Variants in NR1H4 observed in about 807,000 individuals in gnomAD.
NR1H4 encodes the protein nuclear receptor subfamily 1 group H member 4.
Under a neutral mutation model 58.5 loss-of-function variants are expected in NR1H4, and 23 were observed. The observed-to-expected ratio is 0.39, with a 90% confidence interval of 0.28 to 0.56. The LOEUF (loss-of-function observed/expected upper bound fraction) is 0.56. Ranked by LOEUF, NR1H4 falls within the 20% of genes least tolerant of loss-of-function variation. The pLI, the probability that NR1H4 is intolerant of heterozygous loss-of-function variation, is 0.58. For synonymous variants in NR1H4, 214 were observed against 198.0 expected (o/e 1.08, Z -0.68); for missense variants, 487 against 576.9 (o/e 0.84, Z 1.60).
intron 4 of NR1H4, among the ~76,000 whole-genome samples, chr12:100,514,481 T>C (rs1394097878): frequency 1.3e-5 from 2 of 152,182 alleles, no homozygotes; most frequent in African/African-American, 2.4e-5. Flanking sequence ...AAAAACTCTG[T>C]TGTGGGGGGA....
intron 3 of NR1H4, among the ~76,000 whole-genome samples, chr12:100,504,550 T>G (rs1013785319): frequency 6.6e-6 from 1 of 152,214 alleles, no homozygotes; most frequent in African/African-American, 2.4e-5. Context: ...ATATTTTCCC[T>G]CAAAGAGTTC....
At chr12:100,510,630 T>TATAC in intron 3 of NR1H4, 148 bp from the exon 4 acceptor site, 1 of 415,296 alleles carries the variant, frequency 2.4e-6, no homozygotes, top group South Asian at 2.1e-5. Context: ...TATATATATA[T>TATAC]ATATACTCTA....
chr12:100,524,717 C>A (rs528575820), intron 4 of NR1H4, among the ~76,000 whole-genome samples: 1 of 152,360 alleles, frequency 6.6e-6, no homozygotes, highest in Non-Finnish European at 1.5e-5. Context: ...CCCTCTTCAA[C>A]TGCTCCTAGA....
At chr12:100,556,239 G>A (rs1955319967) in intron 9 of NR1H4, among the ~76,000 whole-genome samples, 3 of 151,938 alleles carry the variant, frequency 2.0e-5, no homozygotes, top group South Asian at 4.2e-4. Context: ...AGGCTGAGGC[G>A]GGTGGATCAC....
intron 9 of NR1H4, among the ~76,000 whole-genome samples, chr12:100,555,253 AATT>A (rs1203904352): frequency 2.0e-5 from 3 of 152,258 alleles, no homozygotes; most frequent in African/African-American, 7.2e-5. Context: ...CATAGCCATA[AATT>A]ATTATTTTAG....
intron 4 of NR1H4, among the ~76,000 whole-genome samples, chr12:100,523,775 A>G (rs1954486847): frequency 6.6e-6 from 1 of 152,182 alleles, no homozygotes; most frequent in Non-Finnish European, 1.5e-5. Context: ...CCAATTCTTT[A>G]TTCAGCAAAT....
intron 4 of NR1H4, among the ~76,000 whole-genome samples, chr12:100,519,145 G>A (rs1954346336): frequency 6.6e-6 from 1 of 152,238 alleles, no homozygotes; most frequent in South Asian, 2.1e-4. Flanking sequence ...TGTAGTGAAT[G>A]AGCACAAGAT....
chr12:100,543,623 T>A (rs1404333558), intron 9 of NR1H4, among the ~76,000 whole-genome samples: 1 of 151,830 alleles, frequency 6.6e-6, no homozygotes, highest in Non-Finnish European at 1.5e-5. Flanking sequence ...TCAGGTAACC[T>A]CCAAGGCACC....
intron 1 of NR1H4, among the ~76,000 whole-genome samples, chr12:100,485,953 T>C (rs1953482589): frequency 6.6e-6 from 1 of 152,230 alleles, no homozygotes; most frequent in South Asian, 2.1e-4. Context: ...TGATGGACAT[T>C]ATGCTGTTTC....
chr12:100,477,388 A>G (rs969488577), intron 1 of NR1H4, among the ~76,000 whole-genome samples: 1 of 152,216 alleles, frequency 6.6e-6, no homozygotes, highest in Middle Eastern at 3.4e-3. Context: ...TTCATTTTTT[A>G]ATATAAAATC....
intron 9 of NR1H4, among the ~76,000 whole-genome samples, chr12:100,553,242 C>T (rs1479891846): frequency 6.6e-6 from 1 of 152,148 alleles, no homozygotes; most frequent in Non-Finnish European, 1.5e-5. Context: ...TTGTGATCCG[C>T]CCGCCTTGGC....
At chr12:100,517,729 G>C (rs1954304058) in intron 4 of NR1H4, among the ~76,000 whole-genome samples, 1 of 152,208 alleles carries the variant, frequency 6.6e-6, no homozygotes, top group African/African-American at 2.4e-5. Flanking sequence ...TAAATGGAGT[G>C]AGGTGATATC....
At chr12:100,482,949 CAG>C (rs1182605938) in intron 1 of NR1H4, among the ~76,000 whole-genome samples, 7 of 152,054 alleles carry the variant, frequency 4.6e-5, no homozygotes, top group African/African-American at 1.7e-4. Context: ...TTATTTGAGA[CAG>C]AGTGTCACTC....
chr12:100,493,366 A>G lies in NR1H4; in HGVS notation c.43A>G (p.Thr15Ala), dbSNP rs1350845391. ...MNLIEHSHLPTTDEFSFSENL... is the reference protein window; with the variant it reads ...MNLIEHSHLPATDEFSFSENL... ...TCTCATTGAACATTCCCATTTACCT[A>G]CCACAGATGAATTTTCTTTTTCTGA... The change falls in exon 3 of 11, where the codon ACC becomes GCC. Residue 15 changes from threonine (T) to alanine (A), a missense_variant. By Grantham distance (58) the Thr-to-Ala change is moderately conservative. Coordinates refer to ENST00000392986, the MANE Select transcript of NR1H4 (RefSeq NM_001206979.2). 1.5e-5 allele frequency: 23 copies of G among 1,577,062 alleles called. No individual in the cohort carries two copies. Among genetic ancestry groups the G allele is most frequent in the Non-Finnish European group, 1.7e-5 (20 of 1,151,454 alleles).
chr12:100,495,942 C>G (rs1005088651), intron 3 of NR1H4, among the ~76,000 whole-genome samples: 4 of 152,136 alleles, frequency 2.6e-5, no homozygotes, highest in Admixed American at 6.5e-5. Context: ...CTCAGTACTC[C>G]TGAGTCTAAG....
At chr12:100,491,180 G>T (rs1008276312) in intron 1 of NR1H4, among the ~76,000 whole-genome samples, 1 of 152,036 alleles carries the variant, frequency 6.6e-6, no homozygotes, top group East Asian at 1.9e-4. Flanking sequence ...AGTTATTTCA[G>T]GAGTGCCTTG....
chr12:100,497,798 A>G (rs1186936604), intron 3 of NR1H4, among the ~76,000 whole-genome samples: 1 of 152,242 alleles, frequency 6.6e-6, no homozygotes, highest in Non-Finnish European at 1.5e-5. Flanking sequence ...CCACCATCTG[A>G]CATAGTGAAT....
chr12:100,493,088 G>A (rs888620706), intron 2 of NR1H4, among the ~76,000 whole-genome samples, 182 bp from the exon 3 acceptor site: 1 of 151,930 alleles, frequency 6.6e-6, no homozygotes, highest in Middle Eastern at 3.2e-3. Flanking sequence ...GCATTTTTAG[G>A]TCCAAATGAG....
rs752381752 is a variant in NR1H4, at chr12:100,536,928, G to T, written c.832-20G>T. On this transcript the variant is annotated intron_variant, in intron 7 of 10. Transcript: ENST00000392986. ...TTTCTTATCTACTTTTTAATCATTG[G>T]TTTTTTTCTTAAAATTTAGTTAAAA... 1.2e-4 allele frequency: 166 copies of T among 1,353,348 alleles called. 1 individual carries two copies. The highest frequency in any genetic ancestry group is 4.1e-4 in the Middle Eastern group (2 of 4,872). 83.8% of individuals were successfully genotyped at this position (1,353,348 alleles called of 1,614,324 possible).
Sources: allele counts gnomAD v4.1 joint callset (sites outside exome capture counted in the v4.1 genomes callset), GRCh38; gene constraint gnomAD v4.1.1; transcripts MANE v1.5; gene names NCBI Gene and HGNC (gene_info 2026-07-23, HGNC 2026-07-21).